The following PXMP2 variants were observed in gnomAD, a reference collection of about 807,000 sequenced individuals.
PXMP2 encodes peroxisomal membrane protein 2.
A neutral mutation model predicts 20.2 loss-of-function variants in PXMP2; 13 were observed. The observed-to-expected ratio is 0.64, with a 90% CI of 0.42 to 1.02. PXMP2 has a LOEUF of 1.02. Among genes scored for constraint, PXMP2 ranks in the 50% least tolerant of loss-of-function variants. The pLI, the probability that PXMP2 is intolerant of heterozygous loss-of-function variation, is 0.00. For missense variants in PXMP2, 284 were observed against 251.8 expected (o/e 1.13, Z -0.87); for synonymous variants, 113 against 111.2 (o/e 1.02, Z -0.10).
rs1481385555 is a variant in PXMP2, at chr12:132,694,519, C to T, written c.237-1365C>T. 2.0e-4 allele frequency among the ~76,000 whole-genome samples: 18 copies of T among 88,130 alleles called. 4 individuals are homozygous for T. The highest frequency in any genetic ancestry group is 3.8e-4 in the Non-Finnish European group (15 of 39,724). 57.8% of individuals were successfully genotyped at this position (88,130 alleles called of 152,430 possible). ...CGCCCTTGCCAGTTAGTTAAGTGAG[C>T]GCCCTTAGCCAGTTAGATAGTGAGC... On this transcript the variant is annotated intron_variant, in intron 2 of 4. Coordinates refer to ENST00000317479, the MANE Select transcript of PXMP2 (RefSeq NM_018663.3).
chr12:132,703,061 T>A (rs1379196720), intron 4 of PXMP2, among the ~76,000 whole-genome samples: 3 of 152,192 alleles, frequency 2.0e-5, no homozygotes, highest in African/African-American at 7.2e-5. Flanking sequence ...CAATTTCAGC[T>A]CTATGGGGCT....
rs1319729151 is a variant in PXMP2, at chr12:132,690,395, G to C, written c.236+19G>C. Reference sequence around the variant, plus strand: ...TTTACGGGTGAGTGCCATACAAGGGGTGGGTTTACCTTGTAGCCGCTGAGT... The same window carrying C: ...TTTACGGGTGAGTGCCATACAAGGGCTGGGTTTACCTTGTAGCCGCTGAGT... On this transcript the variant is annotated intron_variant, in intron 2 of 4. Coordinates refer to ENST00000317479, the MANE Select transcript of PXMP2 (RefSeq NM_018663.3). The C allele has an allele frequency of 6.3e-7, 1 of 1,591,718 alleles. No individual in the cohort carries two copies. Among genetic ancestry groups the C allele is most frequent in the Non-Finnish European group, 8.6e-7 (1 of 1,160,442 alleles).
chr12:132,692,604 TA>T (rs1425783573), intron 2 of PXMP2, among the ~76,000 whole-genome samples: 26 of 101,896 alleles, frequency 2.6e-4, no homozygotes, highest in Admixed American at 4.3e-4. Context: ...GCCAGTTAGT[TA>T]AGTGAGCGCC....
intron 3 of PXMP2, among the ~76,000 whole-genome samples, chr12:132,697,981 C>G (rs77903585): frequency 6.6e-5 from 10 of 151,822 alleles, no homozygotes; most frequent in African/African-American, 2.4e-4. Context: ...GAGCACCAGC[C>G]AGGTTGTGCT....
chr12:132,702,194 C>T (rs565964225), intron 4 of PXMP2, among the ~76,000 whole-genome samples: 5 of 152,382 alleles, frequency 3.3e-5, no homozygotes, highest in African/African-American at 4.8e-5. Context: ...TGGGTCCTGC[C>T]GCTGGCCTGG....
Position 132,704,945 on chromosome 12 carries a change from C to A in PXMP2, c.*258C>A. 1.8e-6 allele frequency: 1 copy of A among 550,682 alleles called. No homozygotes were observed. Among genetic ancestry groups the A allele is most frequent in the East Asian group, 3.1e-5 (1 of 32,674 alleles). 34.1% of individuals were successfully genotyped at this position (550,682 alleles called of 1,614,324 possible). On this transcript the variant is annotated 3_prime_UTR_variant, in exon 5 of 5. Transcript: ENST00000317479. ...AGGCAGTTTCAATTGTTACTGTGGA[C>A]CGAATTAGGATCACAATAAACGATA...
intron 3 of PXMP2, among the ~76,000 whole-genome samples, chr12:132,698,983 G>A (rs1337587315): frequency 1.3e-5 from 2 of 152,130 alleles, no homozygotes; most frequent in East Asian, 3.8e-4. Context: ...TATATATTTA[G>A]AGGGTACGAG....
At position 132,687,746 on chromosome 12, in the gene PXMP2, C is replaced by A; in HGVS notation, c.76C>A (p.Leu26Met). Residue 26 changes from leucine to methionine, a missense_variant, in exon 1 of 5, where the codon CTG becomes ATG. Coordinates refer to ENST00000317479, the MANE Select transcript of PXMP2 (RefSeq NM_018663.3). Reference protein sequence around the residue: ...ALPRRALAQYLLFLRLYPVLT... With the variant: ...ALPRRALAQYMLFLRLYPVLT... ...GCCGCGGCGGGCGCTCGCCCAGTAC[C>A]TGCTCTTCCTGCGGCTCTACCCGGT... The A allele has an allele frequency of 8.2e-7, 1 of 1,217,642 alleles. No homozygotes were observed. The highest frequency in any genetic ancestry group is 1.0e-6 in the Non-Finnish European group (1 of 976,152). 75.4% of individuals were successfully genotyped at this position (1,217,642 alleles called of 1,614,324 possible). A position where few individuals can be genotyped will look rare whatever the true frequency, so the allele number is the denominator to read the frequency against.
rs1356488599 is a variant in PXMP2 at position 132,704,705 on chromosome 12, T to TGTG, written c.*18_*19insGTG. 6.3e-7 allele frequency: 1 copy of TGTG among 1,585,370 alleles called. No individual in the cohort carries two copies. ...GGAAGTGACGACCGCTGGGAGAACA[T>TGTG]CAGGTGCACTGTGGACGTGGGTCTG... On this transcript the variant is annotated 3_prime_UTR_variant, in exon 5 of 5. Coordinates refer to ENST00000317479, the MANE Select transcript of PXMP2 (RefSeq NM_018663.3).
chr12:132,695,916 T>G lies in PXMP2; in HGVS notation c.269T>G (p.Phe90Cys), dbSNP rs1565991925. 1 of 1,609,542 alleles carries G rather than the reference T, an allele frequency of 6.2e-7. No individual in the cohort carries two copies. Among genetic ancestry groups the G allele is most frequent in the Non-Finnish European group, 8.5e-7 (1 of 1,177,948 alleles). ...TTCACAGGGCCGCTGAGTCACTTCT[T>G]CTACTTCTTCATGGAACATTGGATC... is the stretch of plus-strand genomic sequence containing the variant. Reference protein sequence around the residue: ...FFFTGPLSHFFYFFMEHWIPP... With the variant: ...FFFTGPLSHFCYFFMEHWIPP... Residue 90 changes from phenylalanine to cysteine, a missense_variant, in exon 3 of 5, where the codon TTC becomes TGC. Physicochemically the swap from Phe to Cys is radical, Grantham distance 205. Transcript: ENST00000317479.
At chr12:132,688,961 A>G (rs1256926149) in intron 1 of PXMP2, among the ~76,000 whole-genome samples, 1 of 28,022 alleles carries the variant, frequency 3.6e-5, no homozygotes, top group Non-Finnish European at 7.1e-5. Flanking sequence ...GACAGGGCCA[A>G]GGGAGCGAGT....
Position 132,696,126 on chromosome 12 carries a change from G to C in PXMP2, c.399+80G>C. ...CACCTGACATTCTCGGCAGAATTCA[G>C]AGGGTCTGCAGATTTTTCACTCAAA... is the stretch of plus-strand genomic sequence containing the variant. On this transcript the variant is annotated intron_variant, in intron 3 of 4. Transcript: ENST00000317479. This position sits in a 1 kb window ranked among gnomAD's most constrained non-coding sequence, Gnocchi z 4.4. 1 of 1,426,574 alleles carries C rather than the reference G, an allele frequency of 7.0e-7. No homozygotes were observed. Among genetic ancestry groups the C allele is most frequent in the Non-Finnish European group, 9.4e-7 (1 of 1,067,450 alleles). The allele number at this position is 1,426,574 out of a possible 1,614,324, so 88.4% of individuals were successfully genotyped here. A position where few individuals can be genotyped will look rare whatever the true frequency, so the allele number is the denominator to read the frequency against.
chr12:132,701,397 T>C (rs7958567), intron 4 of PXMP2, 28 bp downstream of exon 4: 1,548,143 of 1,609,386 alleles, frequency 0.96, 744,901 homozygotes, highest in East Asian at 1. Flanking sequence ...CAGCCTCTGC[T>C]AACATTACTT....
At chr12:132,694,259 T>C (rs2043393687) in intron 2 of PXMP2, among the ~76,000 whole-genome samples, 1 of 102,568 alleles carries the variant, frequency 9.7e-6, no homozygotes, top group Non-Finnish European at 2.1e-5. Context: ...CTTAGCCAGT[T>C]AGTGAGCTCC....
chr12:132,702,486 C>T (rs1476121902), intron 4 of PXMP2: 6 of 413,486 alleles, frequency 1.5e-5, no homozygotes, highest in South Asian at 8.6e-5. Context: ...CCCCCTGCAG[C>T]ATGGCAGGAT....
chr12:132,697,313 T>TAAAC (rs1207611572), intron 3 of PXMP2, among the ~76,000 whole-genome samples: 2 of 151,868 alleles, frequency 1.3e-5, no homozygotes, highest in Non-Finnish European at 2.9e-5. Flanking sequence ...AATAAATAAA[T>TAAAC]AAACACATTA....
At chr12:132,689,823 G>A (rs145750943) in intron 1 of PXMP2, among the ~76,000 whole-genome samples, 1 of 152,180 alleles carries the variant, frequency 6.6e-6, no homozygotes, top group African/African-American at 2.4e-5. Flanking sequence ...CCAGGGCATT[G>A]CGTGGACACA....
chr12:132,695,748 T>C (rs2043406356), intron 2 of PXMP2, 136 bp from the exon 3 acceptor site: 1 of 815,994 alleles, frequency 1.2e-6, no homozygotes, highest in Non-Finnish European at 1.8e-6. Flanking sequence ...CCGACTTATC[T>C]GTACAGACCT....
At chr12:132,699,172 G>C (rs1408812584) in intron 3 of PXMP2, among the ~76,000 whole-genome samples, 1 of 152,084 alleles carries the variant, frequency 6.6e-6, no homozygotes, top group Non-Finnish European at 1.5e-5. Flanking sequence ...TTATGAGTGA[G>C]AACATCGGCT....
Sources: allele counts gnomAD v4.1 joint callset (sites outside exome capture counted in the v4.1 genomes callset), GRCh38; gene constraint gnomAD v4.1.1; non-coding constraint Gnocchi (gnomAD v3.1); transcripts MANE v1.5; gene names NCBI Gene and HGNC (gene_info 2026-07-23, HGNC 2026-07-21).